Variants in CYB5R4 observed in about 807,000 individuals in gnomAD.
CYB5R4 encodes the protein cytochrome b5 reductase 4.
In CYB5R4, 55 loss-of-function variants were observed where a neutral mutation model predicts 70.2. That is an observed-to-expected ratio of 0.78 (90% CI 0.63 to 0.98). The LOEUF is 0.98. Ranked by LOEUF, CYB5R4 falls within the 50% of genes least tolerant of loss-of-function variation. The probability of loss-of-function intolerance (pLI) is 0.00; values close to 1 mark genes in which losing one functional copy is unlikely to be tolerated. For missense variants in CYB5R4, 562 were observed against 612.6 expected (o/e 0.92, Z 0.87); for synonymous variants, 197 against 199.5 (o/e 0.99, Z 0.11).
intron 2 of CYB5R4, among the ~76,000 whole-genome samples, chr6:83,884,108 G>C (rs1006771205): frequency 6.6e-6 from 1 of 151,908 alleles, no homozygotes; most frequent in Non-Finnish European, 1.5e-5. Context: ...TAATAATTAA[G>C]TGTAAATGAA....
At chr6:83,910,775 C>A (rs545409762) in intron 4 of CYB5R4, among the ~76,000 whole-genome samples, 1 of 152,096 alleles carries the variant, frequency 6.6e-6, no homozygotes, top group East Asian at 1.9e-4. Flanking sequence ...ACAAGTGAAG[C>A]CAACTTGGGG....
intron 3 of CYB5R4, among the ~76,000 whole-genome samples, chr6:83,900,388 T>G (rs2129135860): frequency 6.6e-6 from 1 of 152,312 alleles, no homozygotes; most frequent in East Asian, 1.9e-4. Flanking sequence ...TACTTCCAAC[T>G]AAGTGGTAAA....
rs370987678 is a variant in CYB5R4 at position 83,949,629 on chromosome 6, G to A, written c.1347-5669G>A. Among the ~76,000 whole-genome samples, 5 of 152,206 alleles carry A rather than the reference G, an allele frequency of 3.3e-5. No homozygotes were observed. In the South Asian group the frequency reaches 1.0e-3, roughly 32 times the overall value. On this transcript the variant is annotated intron_variant, in intron 14 of 15. Coordinates refer to ENST00000369681, the MANE Select transcript of CYB5R4 (RefSeq NM_016230.4). ...GTCCCAGTCTTCTACTCCATCCTTT[G>A]TGGAACAAGGAGAGGGATAGGAATT... is the stretch of plus-strand genomic sequence containing the variant.
At chr6:83,934,859 G>T in intron 11 of CYB5R4, 124 bp downstream of exon 11, 1 of 854,338 alleles carries the variant, frequency 1.2e-6, no homozygotes, top group Non-Finnish European at 1.7e-6. Context: ...GCTAGATTTA[G>T]TGATAGTCAG....
rs748634548 is a variant in CYB5R4, at chr6:83,940,524, G to A, written c.1269G>A (p.Lys423=). 1.3e-6 allele frequency: 2 copies of A among 1,581,868 alleles called. No homozygotes were observed. Among genetic ancestry groups the A allele is most frequent in the Non-Finnish European group, 1.7e-6 (2 of 1,170,726 alleles). The change falls in exon 14 of 16, where the codon AAG becomes AAA. Residue 423 remains lysine (K), a synonymous_variant. Coordinates refer to ENST00000369681, the MANE Select transcript of CYB5R4 (RefSeq NM_016230.4). ...TTTTTTTTCTCTTAAGGAAAGTGAAGCTGATGTTCTTCAATAAAACAGAAG... is the reference window on the plus strand; with the variant it reads ...TTTTTTTTCTCTTAAGGAAAGTGAAACTGATGTTCTTCAATAAAACAGAAG... ...LTDIPSLRKV[K]LMFFNKTEDD... is the part of the protein sequence containing the mutation.
chr6:83,952,199 A>G (rs577467309), intron 14 of CYB5R4, among the ~76,000 whole-genome samples: 1 of 152,290 alleles, frequency 6.6e-6, no homozygotes, highest in African/African-American at 2.4e-5. Flanking sequence ...ATATGCACCA[A>G]TAGAAGATAG....
chr6:83,915,303 A>G (rs1007104869), intron 5 of CYB5R4, among the ~76,000 whole-genome samples: 2 of 152,250 alleles, frequency 1.3e-5, no homozygotes, highest in African/African-American at 2.4e-5. Flanking sequence ...AGCAAGTTAC[A>G]GAAATGCAAC....
At chr6:83,957,822 C>T (rs1229361302) in intron 15 of CYB5R4, among the ~76,000 whole-genome samples, 4 of 152,072 alleles carry the variant, frequency 2.6e-5, no homozygotes, top group African/African-American at 9.7e-5. Context: ...TGAGATGTAA[C>T]TTGATTCAAA....
intron 2 of CYB5R4, among the ~76,000 whole-genome samples, chr6:83,885,066 A>G (rs1332059314): frequency 6.6e-6 from 1 of 152,208 alleles, no homozygotes; most frequent in Non-Finnish European, 1.5e-5. Flanking sequence ...TCAAAAATTA[A>G]GAAATGTAAA....
chr6:83,906,653 T>G (rs1055866532), intron 3 of CYB5R4, among the ~76,000 whole-genome samples: 19 of 152,346 alleles, frequency 1.2e-4, no homozygotes, highest in African/African-American at 4.6e-4. Context: ...AGGTATCTCC[T>G]GTCACTTTAC....
chr6:83,906,754 A>T (rs1393891632), intron 3 of CYB5R4, among the ~76,000 whole-genome samples: 2 of 152,198 alleles, frequency 1.3e-5, no homozygotes, highest in Non-Finnish European at 2.9e-5. Context: ...GCAAGTATGA[A>T]ATACCTCTAG....
chr6:83,864,357 A>G (rs1221951357), intron 2 of CYB5R4, 29 bp downstream of exon 2: 2 of 1,586,216 alleles, frequency 1.3e-6, no homozygotes, highest in Admixed American at 1.8e-5. Context: ...GTCCTTCAAA[A>G]AATGTTGCCT....
At chr6:83,909,138 A>G in intron 4 of CYB5R4, 48 bp downstream of exon 4, 1 of 1,463,502 alleles carries the variant, frequency 6.8e-7, no homozygotes, top group East Asian at 2.3e-5. Context: ...GTGCACATGT[A>G]TTTTTTTTTA....
At position 83,965,714 on chromosome 6, in the gene CYB5R4, G is replaced by A. The variant is rs1341631221; in HGVS notation, c.*5836G>A. On this transcript the variant is annotated 3_prime_UTR_variant, in exon 16 of 16. Transcript: ENST00000369681. ...GAGGAGCCAGGGGTGGGATGATATGGTTTGGCTCTGTGTCCCCACCCAAAT... is the reference window on the plus strand; with the variant it reads ...GAGGAGCCAGGGGTGGGATGATATGATTTGGCTCTGTGTCCCCACCCAAAT... The A allele has an allele frequency of 1.3e-5, 2 of 152,116 alleles. No homozygotes were observed. Among genetic ancestry groups the A allele is most frequent in the African/African-American group, 2.4e-5 (1 of 41,412 alleles). The allele number at this position is 152,116 out of a possible 1,614,324, so 9.4% of individuals were successfully genotyped here. A position where few individuals can be genotyped will look rare whatever the true frequency, so the allele number is the denominator to read the frequency against.
intron 9 of CYB5R4, 108 bp from the exon 10 acceptor site, chr6:83,924,362 C>G: frequency 9.3e-7 from 1 of 1,069,872 alleles, no homozygotes; most frequent in Non-Finnish European, 1.3e-6. Context: ...ATAATCAGTA[C>G]CATTCATATT....
At chr6:83,956,493 TAA>T (rs2099472449) in intron 15 of CYB5R4, among the ~76,000 whole-genome samples, 1 of 152,088 alleles carries the variant, frequency 6.6e-6, no homozygotes, top group South Asian at 2.1e-4. Flanking sequence ...CAGGTTAAGA[TAA>T]AAGATTGTGG....
chr6:83,906,706 T>TA (rs1269398177), intron 3 of CYB5R4, among the ~76,000 whole-genome samples: 1 of 152,232 alleles, frequency 6.6e-6, no homozygotes, highest in Non-Finnish European at 1.5e-5. Context: ...ATTCAGAATG[T>TA]AATTATCCAT....
chr6:83,945,685 AAAG>A (rs2099470479), intron 14 of CYB5R4, among the ~76,000 whole-genome samples: 1 of 152,064 alleles, frequency 6.6e-6, no homozygotes, highest in Non-Finnish European at 1.5e-5. Flanking sequence ...TCAGACTAAT[AAAG>A]AAGAAAAGAG....
At chr6:83,870,319 A>G (rs935425633) in intron 2 of CYB5R4, among the ~76,000 whole-genome samples, 1 of 152,230 alleles carries the variant, frequency 6.6e-6, no homozygotes, top group Non-Finnish European at 1.5e-5. Flanking sequence ...ATTGCTATGA[A>G]CAAGGATAAC....
Sources: allele counts gnomAD v4.1 joint callset (sites outside exome capture counted in the v4.1 genomes callset), GRCh38; gene constraint gnomAD v4.1.1; transcripts MANE v1.5; gene names NCBI Gene and HGNC (gene_info 2026-07-23, HGNC 2026-07-21).